WDR64: variants seen among roughly 807,000 people sequenced by gnomAD.
WDR64 encodes WD repeat domain 64, also known as WD repeat-containing protein 64.
A neutral mutation model predicts 139.3 loss-of-function variants in WDR64; 112 were observed. The observed-to-expected ratio is 0.80, with a 90% CI of 0.69 to 0.94. The LOEUF is 0.94. WDR64 is among the 40% of genes least tolerant of loss of function. The pLI is 0.00. For missense variants in WDR64, 1,206 were observed against 1,293.1 expected (o/e 0.93, Z 1.03); for synonymous variants, 444 against 437.7 (o/e 1.01, Z -0.18).
chr1:241,713,143 C>CA lies in WDR64; in HGVS notation c.1054+1274dup, dbSNP rs57422282. Among the ~76,000 whole-genome samples the CA allele has an allele frequency of 2.6e-3, 350 of 136,834 alleles. 1 individual carries two copies. The highest frequency in any genetic ancestry group is 4.5e-3 in the Admixed American group (60 of 13,388). 89.8% of individuals were successfully genotyped at this position (136,834 alleles called of 152,430 possible). ...GCAATACAGTAAGACCTTGTCTCTACAAAAAAAAAAAATTAAAAATTAGCT... is the reference window on the plus strand; with the variant it reads ...GCAATACAGTAAGACCTTGTCTCTACAAAAAAAAAAAAATTAAAAATTAGCT... On this transcript the variant is annotated intron_variant, in intron 9 of 27. Transcript: ENST00000437684.
In WDR64 at chr1:241,683,647, C is replaced by A. The variant is rs894796580; in HGVS notation, c.785C>A (p.Ala262Glu). Residue 262 changes from alanine to glutamate, a missense_variant, in exon 7 of 28, where the codon GCA (alanine) becomes GAA (glutamate). By Grantham distance (107) the Ala-to-Glu change is moderately radical. Transcript: ENST00000437684. ...AGTGATGACTTTGGAATAAAGCAGG[C>A]AAAATCCAAAAGAAAATTACAAAAT... Reference protein sequence around the residue: ...VNSDDFGIKQAKSKRKLQNQV... With the variant: ...VNSDDFGIKQEKSKRKLQNQV... The A allele has an allele frequency of 6.4e-7, 1 of 1,551,002 alleles. No individual in the cohort carries two copies. The highest frequency in any genetic ancestry group is 8.7e-7 in the Non-Finnish European group (1 of 1,146,754).
At chr1:241,704,813 T>C (rs1468307424) in intron 8 of WDR64, among the ~76,000 whole-genome samples, 5 of 152,214 alleles carry the variant, frequency 3.3e-5, no homozygotes, top group Non-Finnish European at 7.3e-5. Context: ...GCTAATGCCA[T>C]TCTAAAGAGA....
At chr1:241,680,708 C>T (rs1666751121) in intron 6 of WDR64, among the ~76,000 whole-genome samples, 1 of 152,182 alleles carries the variant, frequency 6.6e-6, no homozygotes, top group African/African-American at 2.4e-5. Context: ...TAGCCCTTCT[C>T]TGCTCCTTCA....
At chr1:241,746,841 C>A (rs1467386842) in intron 13 of WDR64, among the ~76,000 whole-genome samples, 1 of 151,238 alleles carries the variant, frequency 6.6e-6, no homozygotes, top group Non-Finnish European at 1.5e-5. Flanking sequence ...CTCACTGCAA[C>A]CTCCGCCTCC....
intron 1 of WDR64, among the ~76,000 whole-genome samples, chr1:241,658,168 T>G (rs1665680680): frequency 6.6e-6 from 1 of 152,148 alleles, no homozygotes; most frequent in Admixed American, 6.6e-5. Context: ...AATAAAACCA[T>G]CTGATCTTGT....
intron 8 of WDR64, among the ~76,000 whole-genome samples, chr1:241,699,597 CT>C (rs1464032643): frequency 6.6e-6 from 1 of 151,990 alleles, no homozygotes; most frequent in Non-Finnish European, 1.5e-5. Flanking sequence ...GTGGGGGGAA[CT>C]GAGGAAGGCT....
At chr1:241,682,791 T>C (rs1441579005) in intron 6 of WDR64, among the ~76,000 whole-genome samples, 1 of 152,248 alleles carries the variant, frequency 6.6e-6, no homozygotes. Flanking sequence ...TTTCAGTCAC[T>C]GTGTATCAGA....
chr1:241,771,941 CAT>C lies in WDR64; in HGVS notation c.2290+246_2290+247del, dbSNP rs1359575397. Among the ~76,000 whole-genome samples, 3 of 28,968 alleles carry C rather than the reference CAT, an allele frequency of 1.0e-4. No individual in the cohort carries two copies. In the South Asian group the frequency reaches 2.4e-3, roughly 23 times the overall value. The allele number at this position is 28,968 out of a possible 152,430, so 19.0% of individuals were successfully genotyped here. ...ATATATACATACATATACATACATA[CAT>C]ACATATATATATATATATATATATA... On this transcript the variant is annotated intron_variant, in intron 19 of 27. Coordinates refer to ENST00000437684, the MANE Select transcript of WDR64 (RefSeq NM_001367482.1).
chr1:241,683,809 A>C, intron 7 of WDR64, 108 bp downstream of exon 7: 1 of 952,064 alleles, frequency 1.1e-6, no homozygotes, highest in Non-Finnish European at 1.5e-6. Context: ...GAAAATAAGA[A>C]ATTAAGACAA....
intron 8 of WDR64, among the ~76,000 whole-genome samples, chr1:241,709,809 T>G (rs1415830246): frequency 6.6e-6 from 1 of 152,218 alleles, no homozygotes; most frequent in Admixed American, 6.5e-5. Flanking sequence ...GAAATACTTA[T>G]ATATACAAAA....
chr1:241,674,829 CCCTCCCTCCCTTCCTTCCTTCTTT>C, intron 4 of WDR64, 82 bp downstream of exon 4: 4 of 660,392 alleles, frequency 6.1e-6, no homozygotes, highest in African/African-American at 2.2e-5. Flanking sequence ...CTCCCCCCCT[CCCTCCCTCCCTTCCTTCCTTCTTT>C]CCTTCCTCCC....
intron 8 of WDR64, among the ~76,000 whole-genome samples, chr1:241,708,506 G>T (rs1668039485): frequency 6.6e-6 from 1 of 151,990 alleles, no homozygotes; most frequent in African/African-American, 2.4e-5. Context: ...TAGAGACAGG[G>T]TTTCACCATG....
rs1034697257 is a variant in WDR64 at position 241,703,661 on chromosome 1, C to T, written c.975-8141C>T. ...TATTCAAACAATTATTTATTGGGAG[C>T]CTTCTATATTCAAAGAACCGTTGTG... On this transcript the variant is annotated intron_variant, in intron 8 of 27. Transcript: ENST00000437684. The surrounding 1 kb of genome is among the most constrained non-coding windows in gnomAD (Gnocchi z 5.9). 6.6e-6 allele frequency among the ~76,000 whole-genome samples: 1 copy of T among 152,002 alleles called. No homozygotes were observed. The highest frequency in any genetic ancestry group is 2.4e-5 in the African/African-American group (1 of 41,358).
At chr1:241,755,084 C>T (rs1271794569) in intron 14 of WDR64, among the ~76,000 whole-genome samples, 1 of 152,072 alleles carries the variant, frequency 6.6e-6, no homozygotes, top group East Asian at 1.9e-4. Context: ...GGGTATATAC[C>T]AAGTAATAGG....
intron 21 of WDR64, among the ~76,000 whole-genome samples, chr1:241,777,696 G>A (rs2148311246): frequency 6.6e-6 from 1 of 152,202 alleles, no homozygotes; most frequent in South Asian, 2.1e-4. Flanking sequence ...GGGATTACAG[G>A]AATGAGCCAC....
At chr1:241,745,368 G>C (rs1259904758) in intron 13 of WDR64, among the ~76,000 whole-genome samples, 3 of 151,806 alleles carry the variant, frequency 2.0e-5, no homozygotes, top group African/African-American at 7.3e-5. Flanking sequence ...CACGTGGATC[G>C]GTTCTTGAGA....
At chr1:241,716,341 T>C (rs1197679556) in intron 9 of WDR64, among the ~76,000 whole-genome samples, 1 of 150,358 alleles carries the variant, frequency 6.7e-6, no homozygotes, top group African/African-American at 2.4e-5. Flanking sequence ...ACCTAAAAAT[T>C]TCCTGAGCAT....
intron 13 of WDR64, 28 bp from the exon 14 acceptor site, chr1:241,749,519 C>G (rs1218456369): frequency 6.3e-7 from 1 of 1,597,920 alleles, no homozygotes; most frequent in East Asian, 2.2e-5. Flanking sequence ...CATTTTTACC[C>G]ACATAGTCTT....
intron 8 of WDR64, among the ~76,000 whole-genome samples, chr1:241,704,614 T>G (rs1440104220): frequency 6.6e-6 from 1 of 152,226 alleles, no homozygotes; most frequent in African/African-American, 2.4e-5. Context: ...CTCCTATCAT[T>G]ATTTTTTATA....
Sources: allele counts gnomAD v4.1 joint callset (sites outside exome capture counted in the v4.1 genomes callset), GRCh38; gene constraint gnomAD v4.1.1; non-coding constraint Gnocchi (gnomAD v3.1); transcripts MANE v1.5; gene names NCBI Gene and HGNC (gene_info 2026-07-23, HGNC 2026-07-21).